JAZF1: variants seen among roughly 807,000 people sequenced by gnomAD.
JAZF1 encodes the protein juxtaposed with another zinc finger protein 1.
JAZF1 carries 8 observed loss-of-function variants against 26.4 expected under a neutral mutation model. The observed-to-expected ratio is 0.30, with a 90% confidence interval of 0.18 to 0.55. The LOEUF (loss-of-function observed/expected upper bound fraction) is 0.55. JAZF1 is among the 20% of genes least tolerant of loss of function. The pLI, the probability that JAZF1 is intolerant of heterozygous loss-of-function variation, is 0.94. For missense variants in JAZF1, 199 were observed against 322.0 expected (o/e 0.62, Z 2.92); for synonymous variants, 126 against 122.3 (o/e 1.03, Z -0.20).
intron 3 of JAZF1, chr7:27,844,147 C>CCATT (rs963971900): frequency 6.6e-6 from 1 of 152,216 alleles, no homozygotes; most frequent in African/African-American, 2.4e-5. Flanking sequence ...ATGCTGGCAC[C>CCATT]CATTCGCGTC....
intron 1 of JAZF1, among the ~76,000 whole-genome samples, chr7:28,132,111 C>T (rs1444995165): frequency 1.3e-5 from 2 of 152,122 alleles, no homozygotes; most frequent in African/African-American, 4.8e-5. Flanking sequence ...CCTACTATAA[C>T]TGATGACATG....
At chr7:27,869,902 T>C (rs117833802) in intron 3 of JAZF1, among the ~76,000 whole-genome samples, 4,183 of 152,146 alleles carry the variant, frequency 0.027, 101 homozygotes, top group Non-Finnish European at 0.037. Context: ...CCTCCCTAAC[T>C]ACATTTATTT....
At chr7:28,097,117 C>T (rs544164782) in intron 1 of JAZF1, among the ~76,000 whole-genome samples, 1 of 152,132 alleles carries the variant, frequency 6.6e-6, no homozygotes, top group East Asian at 1.9e-4. Context: ...TAAATCACCC[C>T]CCACCCCCAC....
chr7:28,051,756 T>G (rs1783621734), intron 1 of JAZF1, among the ~76,000 whole-genome samples: 1 of 152,114 alleles, frequency 6.6e-6, no homozygotes, highest in Non-Finnish European at 1.5e-5. Flanking sequence ...GTGCTATAAA[T>G]AACACAGTCC....
chr7:27,836,970 CTCT>C (rs1782825646), intron 4 of JAZF1, among the ~76,000 whole-genome samples: 3 of 152,170 alleles, frequency 2.0e-5, no homozygotes, highest in African/African-American at 7.2e-5. Context: ...CACACTCTCT[CTCT>C]CAATACCTTT....
At chr7:27,925,635 C>T (rs534923368) in intron 2 of JAZF1, among the ~76,000 whole-genome samples, 1 of 152,234 alleles carries the variant, frequency 6.6e-6, no homozygotes, top group South Asian at 2.1e-4. Flanking sequence ...CTATGTTGCC[C>T]AGCCTGGTCT....
chr7:28,116,589 C>T (rs1403210219), intron 1 of JAZF1, among the ~76,000 whole-genome samples: 1 of 150,882 alleles, frequency 6.6e-6, no homozygotes, highest in Non-Finnish European at 1.5e-5. Context: ...GATACAGGCA[C>T]GTGCCACTAC....
chr7:27,980,447 T>A (rs1583490858), intron 2 of JAZF1, among the ~76,000 whole-genome samples: 1 of 152,184 alleles, frequency 6.6e-6, no homozygotes, highest in East Asian at 1.9e-4. Flanking sequence ...TAATTTTAAA[T>A]AGGTATATAA....
intron 1 of JAZF1, among the ~76,000 whole-genome samples, chr7:28,020,093 T>G (rs1310482790): frequency 6.6e-6 from 1 of 152,122 alleles, no homozygotes; most frequent in East Asian, 1.9e-4. Context: ...ATTTTCCCTA[T>G]AGGTTAAGCT....
intron 2 of JAZF1, among the ~76,000 whole-genome samples, chr7:27,950,747 G>A (rs954297068): frequency 2.0e-5 from 3 of 152,094 alleles, no homozygotes; most frequent in Non-Finnish European, 2.9e-5. Context: ...ATTTAGCCAA[G>A]TACATTGCCT....
At chr7:28,044,015 T>C (rs1229171827) in intron 1 of JAZF1, among the ~76,000 whole-genome samples, 1 of 152,146 alleles carries the variant, frequency 6.6e-6, no homozygotes, top group Non-Finnish European at 1.5e-5. Context: ...TTAATGGGTT[T>C]GAGGTTTCTT....
At chr7:28,168,888 T>C (rs1323642506) in intron 1 of JAZF1, among the ~76,000 whole-genome samples, 1 of 152,208 alleles carries the variant, frequency 6.6e-6, no homozygotes, top group Non-Finnish European at 1.5e-5. Context: ...TGGCAACACA[T>C]TAGAATAAAC....
At chr7:28,054,759 C>T (rs529850622) in intron 1 of JAZF1, among the ~76,000 whole-genome samples, 1 of 152,126 alleles carries the variant, frequency 6.6e-6, no homozygotes, top group South Asian at 2.1e-4. Context: ...TAGACACAGT[C>T]TGCCTTTCTT....
intron 2 of JAZF1, among the ~76,000 whole-genome samples, chr7:27,910,943 G>A (rs205): frequency 0.95 from 145,037 of 152,332 alleles, 69,158 homozygotes; most frequent in East Asian, 1. Flanking sequence ...TGCTAGCCTC[G>A]TGGAGATTTT....
intron 1 of JAZF1, among the ~76,000 whole-genome samples, chr7:28,112,523 T>A (rs7795047): frequency 0.013 from 1,962 of 152,312 alleles, 32 homozygotes; most frequent in African/African-American, 0.044. Context: ...CATTTTTTTT[T>A]AAATTTTTAA....
chr7:28,144,999 GT>G (rs1292279837), intron 1 of JAZF1, among the ~76,000 whole-genome samples: 1 of 152,156 alleles, frequency 6.6e-6, no homozygotes, highest in East Asian at 1.9e-4. Flanking sequence ...CTCCTCTTCT[GT>G]TTTAAAAATC....
intron 2 of JAZF1, among the ~76,000 whole-genome samples, chr7:27,940,977 A>G (rs1278194731): frequency 6.6e-6 from 1 of 152,138 alleles, no homozygotes; most frequent in African/African-American, 2.4e-5. Context: ...GCATGTTTTA[A>G]TGGTAGGTGT....
chr7:27,972,561 T>C (rs776680891), intron 2 of JAZF1, among the ~76,000 whole-genome samples: 1 of 152,178 alleles, frequency 6.6e-6, no homozygotes, highest in Non-Finnish European at 1.5e-5. Flanking sequence ...GGAGGTGATA[T>C]GACTTAGCTC....
At chr7:28,110,548 GGAAAA>G (rs1784638835) in intron 1 of JAZF1, among the ~76,000 whole-genome samples, 1 of 112,694 alleles carries the variant, frequency 8.9e-6, no homozygotes, top group African/African-American at 3.3e-5. Flanking sequence ...AAAAGGAAAA[GGAAAA>G]GGAAAGGGAA....
Sources: allele counts gnomAD v4.1 joint callset (sites outside exome capture counted in the v4.1 genomes callset), GRCh38; gene constraint gnomAD v4.1.1; transcripts MANE v1.5; gene names NCBI Gene and HGNC (gene_info 2026-07-23, HGNC 2026-07-21).